Variants in ARID4B observed in about 807,000 individuals in gnomAD.
ARID4B encodes the protein AT-rich interactive domain-containing protein 4B.
In ARID4B, 26 loss-of-function variants were observed where a neutral mutation model predicts 147.5. That is an observed-to-expected ratio of 0.18 (90% CI 0.13 to 0.24). The LOEUF is 0.24. Ranked by LOEUF, ARID4B falls within the 10% of genes least tolerant of loss-of-function variation. ARID4B has a pLI of 1.00. For synonymous variants in ARID4B, 512 were observed against 507.9 expected, an observed-to-expected ratio of 1.01 and a Z score of -0.11; for missense variants, 1,179 against 1,511.5, an observed-to-expected ratio of 0.78 and a Z score of 3.65.
chr1:235,249,061 G>A (rs1034464936), intron 6 of ARID4B, among the ~76,000 whole-genome samples: 9 of 152,190 alleles, frequency 5.9e-5, no homozygotes, highest in African/African-American at 1.2e-4. Flanking sequence ...GGCTGGGCGC[G>A]GTGGCTCACG....
intron 2 of ARID4B, among the ~76,000 whole-genome samples, chr1:235,324,361 G>A (rs888060082): frequency 2.6e-5 from 4 of 152,108 alleles, no homozygotes; most frequent in African/African-American, 9.7e-5. Context: ...GCATATATTA[G>A]ACAGTAATGG....
chr1:235,244,769 G>A (rs1669197479), intron 7 of ARID4B, among the ~76,000 whole-genome samples: 1 of 152,144 alleles, frequency 6.6e-6, no homozygotes, highest in African/African-American at 2.4e-5. Flanking sequence ...TGAGATCACA[G>A]CAAAGACTTT....
chr1:235,203,391 T>C (rs981992730), intron 17 of ARID4B, among the ~76,000 whole-genome samples: 1 of 152,184 alleles, frequency 6.6e-6, no homozygotes, highest in African/African-American at 2.4e-5. Context: ...CAGCATATAG[T>C]TAATATATAC....
At chr1:235,231,357 C>G (rs1029676848) in intron 9 of ARID4B, among the ~76,000 whole-genome samples, 168 bp from the exon 10 acceptor site, 9 of 152,160 alleles carry the variant, frequency 5.9e-5, no homozygotes, top group Non-Finnish European at 1.0e-4. Context: ...AAATAACATA[C>G]AAGACAGGAT....
chr1:235,304,148 G>C (rs1306919394), intron 2 of ARID4B, among the ~76,000 whole-genome samples: 1 of 152,154 alleles, frequency 6.6e-6, no homozygotes, highest in East Asian at 1.9e-4. Context: ...CTTGAGTCCA[G>C]GAGTTTGAGA....
intron 22 of ARID4B, among the ~76,000 whole-genome samples, chr1:235,173,002 A>G (rs574805473): frequency 1.3e-5 from 2 of 152,318 alleles, no homozygotes; most frequent in South Asian, 4.1e-4. Context: ...TAAGATCTAC[A>G]TATATCCACA....
At chr1:235,189,399 CAAAAAAAAAAAAA>C (rs11299121) in intron 19 of ARID4B, among the ~76,000 whole-genome samples, 3 of 58,920 alleles carry the variant, frequency 5.1e-5, no homozygotes, top group Admixed American at 2.7e-4. Context: ...GACTCAGTCT[CAAAAAAAAAAAAA>C]AAAAAAAAAA....
chr1:235,223,382 T>TATATATATACACGTATATATATATATAC (rs71172272), intron 12 of ARID4B, 122 bp from the exon 13 acceptor site: 9 of 214,202 alleles, frequency 4.2e-5, no homozygotes, highest in African/African-American at 7.9e-5. Context: ...TATATATATA[T>TATATATATACACGTATATATATATATAC]ACACGTATAT....
At chr1:235,252,704 T>C (rs1669720590) in intron 6 of ARID4B, 26 bp downstream of exon 6, 2 of 1,594,802 alleles carry the variant, frequency 1.3e-6, no homozygotes, top group Non-Finnish European at 8.6e-7. Flanking sequence ...TATTAAGACA[T>C]GTTCATTTGT....
intron 16 of ARID4B, among the ~76,000 whole-genome samples, chr1:235,217,620 TGTATTAA>T (rs1462680946): frequency 6.6e-6 from 1 of 152,178 alleles, no homozygotes; most frequent in Admixed American, 6.5e-5. Flanking sequence ...AAAAAGATAG[TGTATTAA>T]GTACGTGCTA....
At position 235,328,078 on chromosome 1, in the gene ARID4B, A is replaced by G. The variant is rs1675476001; in HGVS notation, c.-359T>C. ...GACCCTCTGCAGCTCCCTCCGGGCA[A>G]AGGTCCAGGCGGTGGCCGTGGCGGC... is the stretch of plus-strand genomic sequence containing the variant. On this transcript the variant is annotated 5_prime_UTR_variant, in exon 1 of 24. Coordinates refer to ENST00000264183, the MANE Select transcript of ARID4B (RefSeq NM_016374.6). 1 of 153,010 alleles carries G rather than the reference A, an allele frequency of 6.5e-6. No individual in the cohort carries two copies. The highest frequency in any genetic ancestry group is 1.5e-5 in the Non-Finnish European group (1 of 68,458). 9.5% of individuals were successfully genotyped at this position (153,010 alleles called of 1,614,324 possible). A position where few individuals can be genotyped will look rare whatever the true frequency, so the allele number is the denominator to read the frequency against.
At chr1:235,271,498 T>C (rs908400283) in intron 2 of ARID4B, among the ~76,000 whole-genome samples, 1 of 150,384 alleles carries the variant, frequency 6.6e-6, no homozygotes, top group Non-Finnish European at 1.5e-5. Context: ...GGCATGGTGG[T>C]AGGCACCTGT....
intron 17 of ARID4B, among the ~76,000 whole-genome samples, chr1:235,211,030 C>T (rs1666683423): frequency 6.6e-6 from 1 of 152,036 alleles, no homozygotes; most frequent in Admixed American, 6.6e-5. Context: ...TTTAAAGAGC[C>T]AATTAATAGA....
At chr1:235,315,013 C>A (rs1439180278) in intron 2 of ARID4B, among the ~76,000 whole-genome samples, 1 of 152,112 alleles carries the variant, frequency 6.6e-6, no homozygotes, top group Admixed American at 6.6e-5. Context: ...TAGCAGATAG[C>A]ATTAATAGAA....
chr1:235,172,757 C>T lies in ARID4B; in HGVS notation c.3672G>A (p.Leu1224=). Residue 1224 remains leucine, a synonymous_variant, in exon 23 of 24, where the codon CTG becomes CTA. Transcript: ENST00000264183. ...TGCGTTCGGCACTTGTCATATTTTC[C>T]AGGTCCGCTATAAATTTAAAGCTTT... ...VYKWSFQMSD[L]ENMTSAERIT... is the part of the protein sequence containing the mutation. 6.5e-7 allele frequency: 1 copy of T among 1,546,248 alleles called. No homozygotes were observed. The highest frequency in any genetic ancestry group is 1.3e-5 in the South Asian group (1 of 78,822).
chr1:235,266,117 G>A (rs1304910824), intron 2 of ARID4B, among the ~76,000 whole-genome samples: 3 of 152,036 alleles, frequency 2.0e-5, no homozygotes, highest in African/African-American at 4.8e-5. Flanking sequence ...GAATTCCAGC[G>A]GCAAGAGAAT....
In ARID4B at chr1:235,240,319, A is replaced by G; in HGVS notation, c.579T>C (p.Pro193=). The change falls in exon 8 of 24, where the codon CCT becomes CCC. Residue 193 remains proline, a synonymous_variant. Transcript: ENST00000264183. ...GTATACTGAAGCTACTCACCAATGCAGGAAACCACAGTGCTTTCTTTTTAT... is the reference window on the plus strand; with the variant it reads ...GTATACTGAAGCTACTCACCAATGCGGGAAACCACAGTGCTTTCTTTTTAT... The part of the protein sequence containing the change: ...SLDKKKALWF[P]ALVVCPDCSD... 2 of 1,612,146 alleles carry G rather than the reference A, an allele frequency of 1.2e-6. No individual in the cohort carries two copies. The highest frequency in any genetic ancestry group is 1.7e-6 in the Non-Finnish European group (2 of 1,179,144).
At chr1:235,274,538 T>C (rs1671195105) in intron 2 of ARID4B, among the ~76,000 whole-genome samples, 1 of 152,174 alleles carries the variant, frequency 6.6e-6, no homozygotes, top group Non-Finnish European at 1.5e-5. Context: ...AAACTCAAGA[T>C]AAAACAATAA....
At chr1:235,187,872 T>C (rs1234042131) in intron 19 of ARID4B, among the ~76,000 whole-genome samples, 1 of 152,188 alleles carries the variant, frequency 6.6e-6, no homozygotes, top group Non-Finnish European at 1.5e-5. Context: ...ATGATACTCA[T>C]TGTTGAACTA....
Sources: gnomAD v4.1 joint callset for allele counts (sites outside exome capture counted in the v4.1 genomes callset) on GRCh38, gnomAD v4.1.1 for gene constraint, MANE v1.5 for transcripts, NCBI Gene and HGNC (gene_info 2026-07-23, HGNC 2026-07-21) for gene names.